MTAP: variants seen among roughly 807,000 people sequenced by gnomAD.
MTAP encodes the protein S-methyl-5'-thioadenosine phosphorylase.
Under a neutral mutation model 33.6 loss-of-function variants are expected in MTAP, and 33 were observed. The observed-to-expected ratio is 0.98, with a 90% confidence interval of 0.74 to 1.31. The LOEUF is 1.31. Among genes scored for constraint, MTAP ranks in the 40% most tolerant of loss-of-function variants. The probability of loss-of-function intolerance (pLI) is 0.00; values close to 1 mark genes in which losing one functional copy is unlikely to be tolerated. For missense variants in MTAP, 367 were observed against 360.0 expected, an observed-to-expected ratio of 1.02 and a Z score of -0.16; for synonymous variants, 148 against 125.7, an observed-to-expected ratio of 1.18 and a Z score of -1.19.
chr9:21,904,776 A>G (rs2118822137), intron 1 of MTAP, among the ~76,000 whole-genome samples: 1 of 152,354 alleles, frequency 6.6e-6, no homozygotes, highest in South Asian at 2.1e-4. Flanking sequence ...GAACATCATT[A>G]AAGTCAACAT....
chr9:21,875,393 C>A lies in MTAP; in HGVS notation c.147+20523C>A, dbSNP rs149509686. On this transcript the variant is annotated intron_variant, in intron 1 of 1. Transcript: ENST00000577563. ...TGTTTGTTGACTGCATAAATGTCTT[C>A]TTTTGAGAAGTGTCTGTTCATATCC... Among the ~76,000 whole-genome samples the A allele has an allele frequency of 9.3e-3, 1,422 of 152,216 alleles. 8 individuals are homozygous for A. Among genetic ancestry groups the A allele is most frequent in the Middle Eastern group, 0.034 (10 of 294 alleles).
At chr9:21,882,486 T>A (rs771304760) in intron 1 of MTAP, among the ~76,000 whole-genome samples, 55 of 152,044 alleles carry the variant, frequency 3.6e-4, no homozygotes, top group Non-Finnish European at 7.7e-4. Flanking sequence ...TTGTAACTGA[T>A]CTATGTATTC....
intron 4 of MTAP, among the ~76,000 whole-genome samples, chr9:21,821,592 TG>T (rs1265826038): frequency 1.3e-5 from 2 of 151,936 alleles, no homozygotes; most frequent in African/African-American, 2.4e-5. Context: ...TTGTCTTTTT[TG>T]GTTGTGTCTC....
intron 1 of MTAP, among the ~76,000 whole-genome samples, chr9:21,895,192 G>C (rs536464483): frequency 2.0e-5 from 3 of 152,102 alleles, no homozygotes; most frequent in Non-Finnish European, 2.9e-5. Context: ...AATTCATACA[G>C]AACATGAAAA....
intron 1 of MTAP, chr9:21,929,520 C>G (rs530236492): frequency 6.5e-6 from 2 of 309,700 alleles, no homozygotes; most frequent in South Asian, 7.6e-5. Context: ...ATCCTGATTT[C>G]CTGTTATGAG....
chr9:21,900,536 G>C (rs556789267), intron 1 of MTAP, among the ~76,000 whole-genome samples: 2 of 152,294 alleles, frequency 1.3e-5, no homozygotes, highest in East Asian at 3.9e-4. Context: ...TGAGATTGCA[G>C]GGAAAATGGG....
At chr9:21,858,849 C>G (rs138999006) in intron 6 of MTAP, 1 of 153,066 alleles carries the variant, frequency 6.5e-6, no homozygotes, top group African/African-American at 2.4e-5. Context: ...ACAGACTTCA[C>G]AAGTCAGGTT....
intron 5 of MTAP, among the ~76,000 whole-genome samples, chr9:21,839,121 A>G (rs1190128338): frequency 1.3e-5 from 2 of 151,926 alleles, no homozygotes; most frequent in East Asian, 3.9e-4. Context: ...TTTCGGAGAT[A>G]CCACTGCGCA....
intron 1 of MTAP, among the ~76,000 whole-genome samples, chr9:21,900,134 AG>A (rs1464619492): frequency 5.9e-5 from 9 of 152,192 alleles, no homozygotes; most frequent in Non-Finnish European, 1.0e-4. Flanking sequence ...ATATATCATC[AG>A]GAAGACTCCA....
chr9:21,939,765 C>G (rs1049488470), downstream of MTAP, among the ~76,000 whole-genome samples: 1 of 152,000 alleles, frequency 6.6e-6, no homozygotes, highest in Admixed American at 6.6e-5. Context: ...CGCTTGTAAT[C>G]CCAGCTACTC....
intron 5 of MTAP, among the ~76,000 whole-genome samples, chr9:21,845,915 G>T (rs966746089): frequency 2.6e-5 from 4 of 152,156 alleles, no homozygotes; most frequent in African/African-American, 9.6e-5. Context: ...ATAAAAGTAG[G>T]CATGCAGACC....
At chr9:21,895,656 G>A (rs533667141) in intron 1 of MTAP, among the ~76,000 whole-genome samples, 3 of 152,242 alleles carry the variant, frequency 2.0e-5, no homozygotes, top group Non-Finnish European at 4.4e-5. Flanking sequence ...CACACTAGGA[G>A]GTTATATCCC....
chr9:21,931,375 C>A (rs1818955912), downstream of MTAP: 3 of 505,302 alleles, frequency 5.9e-6, no homozygotes, highest in African/African-American at 3.9e-5. Context: ...CCCCCTCCAA[C>A]TAGGAATGTC....
intron 1 of MTAP, among the ~76,000 whole-genome samples, chr9:21,806,366 T>C (rs987087842): frequency 6.6e-6 from 1 of 152,110 alleles, no homozygotes; most frequent in Non-Finnish European, 1.5e-5. Context: ...AAAAAGATGA[T>C]GATACTGGTG....
chr9:21,859,122 A>G lies in MTAP; in HGVS notation c.691-181A>G, dbSNP rs1041999129. ...TATCCACGAGGACTCTGCCTTCATG[A>G]CCTAATTGCCTCCCAAATGCCCAAC... On this transcript the variant is annotated intron_variant, in intron 6 of 7. Transcript: ENST00000644715. 22 of 703,520 alleles carry G rather than the reference A, an allele frequency of 3.1e-5. No individual in the cohort carries two copies. The African/African-American group carries it at 4.0e-4, about 13-fold the overall frequency. The allele number at this position is 703,520 out of a possible 1,614,324, so 43.6% of individuals were successfully genotyped here. A position where few individuals can be genotyped will look rare whatever the true frequency, so the allele number is the denominator to read the frequency against.
chr9:21,818,083 G>A lies in MTAP; in HGVS notation c.228G>A (p.Ala76=), dbSNP rs541223872. ...TGCCTTCAAAGGTCAACTACCAGGC[G>A]AACATCTGGGCTTTGAAGGAAGAGG... ...TIMPSKVNYQ[A]NIWALKEEGC... Residue 76 remains alanine, a synonymous_variant, in exon 4 of 8, where the codon GCG becomes GCA. Transcript: ENST00000644715. 17 of 1,613,406 alleles carry A rather than the reference G, an allele frequency of 1.1e-5. No individual in the cohort carries two copies. Among genetic ancestry groups the A allele is most frequent in the African/African-American group, 8.0e-5 (6 of 74,814 alleles).
At chr9:21,891,708 G>T (rs981329275) in intron 1 of MTAP, among the ~76,000 whole-genome samples, 1 of 152,246 alleles carries the variant, frequency 6.6e-6, no homozygotes, top group South Asian at 2.1e-4. Context: ...TATTTAATGA[G>T]ACTGTGCACA....
intron 4 of MTAP, among the ~76,000 whole-genome samples, chr9:21,837,080 T>G (rs952990929): frequency 6.6e-6 from 1 of 152,228 alleles, no homozygotes. Context: ...TGAAAACTTC[T>G]GACAAGAAAT....
At chr9:21,827,418 A>G (rs1403861439) in intron 4 of MTAP, among the ~76,000 whole-genome samples, 1 of 152,186 alleles carries the variant, frequency 6.6e-6, no homozygotes, top group Non-Finnish European at 1.5e-5. Context: ...TTTCCAGTCT[A>G]TCAGAAGCAT....
Sources: gnomAD v4.1 joint callset for allele counts (sites outside exome capture counted in the v4.1 genomes callset) on GRCh38, gnomAD v4.1.1 for gene constraint, MANE v1.5 for transcripts, NCBI Gene and HGNC (gene_info 2026-07-23, HGNC 2026-07-21) for gene names.